KLC4: variants seen among roughly 807,000 people sequenced by gnomAD.
KLC4 encodes the protein kinesin-like protein 8.
KLC4 carries 49 observed loss-of-function variants against 77.2 expected under a neutral mutation model. The observed-to-expected ratio is 0.63, with a 90% CI of 0.50 to 0.80. The LOEUF (loss-of-function observed/expected upper bound fraction) is 0.80, where lower values mean the gene tolerates loss of function less well. Among genes scored for constraint, KLC4 ranks in the 30% least tolerant of loss-of-function variants. The pLI is 0.00. For missense variants in KLC4, 669 were observed against 793.5 expected (o/e 0.84, Z 1.89); for synonymous variants, 274 against 314.5 (o/e 0.87, Z 1.36).
chr6:43,063,388 A>C (rs1479378388), intron 3 of KLC4, among the ~76,000 whole-genome samples: 1 of 152,192 alleles, frequency 6.6e-6, no homozygotes. Context: ...TGTGCACTGC[A>C]CTGGTGAATG....
At chr6:43,073,049 A>C in intron 13 of KLC4, 85 bp downstream of exon 13, 3 of 1,492,242 alleles carry the variant, frequency 2.0e-6, no homozygotes, top group Non-Finnish European at 2.7e-6. Context: ...GTCCCAGTCT[A>C]GGTAGTGTAT....
At chr6:43,071,004 T>G (rs1203194277) in intron 8 of KLC4, 139 bp downstream of exon 8, 2 of 817,952 alleles carry the variant, frequency 2.4e-6, no homozygotes, top group East Asian at 2.7e-5. Context: ...TCATCAACTT[T>G]GTGCTCATGT....
rs1457917258 is a variant in KLC4, at chr6:43,065,668, C to T, written c.538C>T (p.Pro180Ser). 6.2e-7 allele frequency: 1 copy of T among 1,613,880 alleles called. No homozygotes were observed. Among genetic ancestry groups the T allele is most frequent in the Non-Finnish European group, 8.5e-7 (1 of 1,179,818 alleles). ...CAAGGATTCCCTGGATGACCTCTTTCCTAATGAGGAGGAAGAGGACCCCAG... is the reference window on the plus strand; with the variant it reads ...CAAGGATTCCCTGGATGACCTCTTTTCTAATGAGGAGGAAGAGGACCCCAG... ...ATKDSLDDLF[P>S]NEEEEDPSNG... The change falls in exon 4 of 16, where the codon CCT (proline) becomes TCT (serine). Residue 180 changes from proline to serine, a missense_variant. Pro to Ser is a moderately conservative substitution (Grantham distance 74). Transcript: ENST00000347162.
chr6:43,070,464 G>A lies in KLC4; in HGVS notation c.981+9G>A. ...TGGAGATTCGAGAAAAGGTACCCAT[G>A]CCCTCTCTCCCTTCTTCTCTTGTCG... On this transcript the variant is annotated intron_variant, in intron 7 of 15. Coordinates refer to ENST00000347162, the MANE Select transcript of KLC4 (RefSeq NM_201521.3). The A allele has an allele frequency of 6.3e-7, 1 of 1,596,194 alleles. No homozygotes were observed. Among genetic ancestry groups the A allele is most frequent in the Non-Finnish European group, 8.6e-7 (1 of 1,163,654 alleles).
chr6:43,060,211 T>C, intron 1 of KLC4: 1 of 1,614,118 alleles, frequency 6.2e-7, no homozygotes, highest in Admixed American at 1.7e-5. Context: ...GACAAAACCA[T>C]GGAAGTGACT....
intron 3 of KLC4, chr6:43,065,329 C>T: frequency 3.4e-6 from 1 of 291,530 alleles, no homozygotes; most frequent in East Asian, 7.3e-5. Flanking sequence ...CCACCTCGGC[C>T]TCCCAAAGTG....
In KLC4 at chr6:43,069,963, A is replaced by G. The variant is rs200382653; in HGVS notation, c.880-391A>G. Among the ~76,000 whole-genome samples the G allele has an allele frequency of 1.7e-4, 26 of 152,282 alleles. No individual in the cohort carries two copies. The East Asian group carries it at 4.6e-3, about 27-fold the overall frequency. On this transcript the variant is annotated intron_variant, in intron 6 of 15. Coordinates refer to ENST00000347162, the MANE Select transcript of KLC4 (RefSeq NM_201521.3). ...CTCCTGTCTTGATATCCCATCAAAT[A>G]TCAATGTTTACATTTAGCGTTTGGA...
At chr6:43,067,991 A>G (rs1353477289) in intron 6 of KLC4, among the ~76,000 whole-genome samples, 1 of 106,722 alleles carries the variant, frequency 9.4e-6, no homozygotes, top group African/African-American at 5.6e-5. Context: ...GGGCGCCTGT[A>G]GTCCCAGCTG....
At position 43,067,073 on chromosome 6, in the gene KLC4, A is replaced by G. The variant is rs1447775480; in HGVS notation, c.869A>G (p.Asp290Gly). Residue 290 changes from aspartate to glycine, a missense_variant, in exon 6 of 16, where the codon GAC becomes GGC. Transcript: ENST00000347162. ...LSIRESTLGP[D>G]HPAVAATLNN... ...ATCCGGGAGAGCACCTTGGGACCTG[A>G]CCATCCTGCTGTCAGTATTCCTTGC... The G allele has an allele frequency of 3.0e-5, 49 of 1,613,828 alleles. No individual in the cohort carries two copies. The highest frequency in any genetic ancestry group is 4.0e-5 in the Non-Finnish European group (47 of 1,179,970).
At chr6:43,065,223 C>T (rs566317329) in intron 3 of KLC4, among the ~76,000 whole-genome samples, 2 of 152,172 alleles carry the variant, frequency 1.3e-5, no homozygotes, top group Non-Finnish European at 2.9e-5. Flanking sequence ...TATAGGCATG[C>T]GCCACCACGC....
chr6:43,064,513 C>T (rs1233277049), intron 3 of KLC4, among the ~76,000 whole-genome samples: 1 of 152,114 alleles, frequency 6.6e-6, no homozygotes, highest in Non-Finnish European at 1.5e-5. Context: ...TGTTGCCAGA[C>T]TAGAGACTCT....
Position 43,062,918 on chromosome 6 carries a change from T to C in KLC4, c.260T>C (p.Val87Ala), listed in dbSNP as rs370896483. The C allele has an allele frequency of 8.2e-5, 133 of 1,613,022 alleles. No individual in the cohort carries two copies. Among genetic ancestry groups the C allele is most frequent in the Non-Finnish European group, 1.1e-4 (127 of 1,179,410 alleles). ...NIELGLSEAQ[V>A]MLALASHLST... is the part of the protein sequence containing the mutation. ...AGCTCAGGGGATGTGCCCACCTAGG[T>C]GATGCTGGCTCTAGCCAGCCACCTG... Residue 87 changes from valine (V) to alanine (A), a missense_variant and splice_region_variant, in exon 3 of 16, where the codon GTG becomes GCG. Transcript: ENST00000347162.
chr6:43,059,948 GTCGTCCATCCACACC>G, intron 1 of KLC4: 1 of 1,310,194 alleles, frequency 7.6e-7, no homozygotes, highest in Non-Finnish European at 9.7e-7. Context: ...GCGGACCTCA[GTCGTCCATCCACACC>G]TCCCCCCTGC....
At chr6:43,071,015 C>T (rs1249184360) in intron 8 of KLC4, 150 bp downstream of exon 8, 6 of 771,220 alleles carry the variant, frequency 7.8e-6, no homozygotes, top group East Asian at 5.4e-5. Flanking sequence ...GTGCTCATGT[C>T]TGGGGCTGCC....
At chr6:43,074,535 CTG>C (rs1176622659) in intron 15 of KLC4, 85 bp from the exon 16 acceptor site, 8 of 1,108,646 alleles carry the variant, frequency 7.2e-6, no homozygotes, top group African/African-American at 3.1e-5. Flanking sequence ...CAGAGATACA[CTG>C]TGACCATGGG....
rs752815266 is a variant in KLC4 at position 43,061,344 on chromosome 6, C to T, written c.9C>T (p.Gly3=). 6.2e-7 allele frequency: 1 copy of T among 1,613,526 alleles called. No individual in the cohort carries two copies. The highest frequency in any genetic ancestry group is 8.5e-7 in the Non-Finnish European group (1 of 1,179,970). ...AGGTCCCCCAGGCCAGGATGTCAGG[C>T]CTGGTGTTGGGGCAGCGGGATGAGC... is the stretch of plus-strand genomic sequence containing the variant. MS[G]LVLGQRDEPA... Residue 3 remains glycine, a synonymous_variant, in exon 2 of 16, where the codon GGC becomes GGT. Coordinates refer to ENST00000347162, the MANE Select transcript of KLC4 (RefSeq NM_201521.3).
chr6:43,070,497 C>G lies in KLC4; in HGVS notation c.981+42C>G, dbSNP rs200310400. On this transcript the variant is annotated intron_variant, in intron 7 of 15. Transcript: ENST00000347162. Reference sequence around the variant, plus strand: ...TCCCTTCTTCTCTTGTCGCTGTGACCCTTCTCTACATGGCTCCTCTGGTCT... The same window carrying G: ...TCCCTTCTTCTCTTGTCGCTGTGACGCTTCTCTACATGGCTCCTCTGGTCT... 5.7e-5 allele frequency: 87 copies of G among 1,522,500 alleles called. No individual in the cohort carries two copies. In the East Asian group the frequency reaches 1.3e-3, roughly 23 times the overall value. 94.3% of individuals were successfully genotyped at this position (1,522,500 alleles called of 1,614,324 possible).
rs201982643 is a variant in KLC4, at chr6:43,062,929, C to G, written c.271C>G (p.Leu91Val). ...GLSEAQVMLA[L>V]ASHLSTVESE... ...TGTGCCCACCTAGGTGATGCTGGCT[C>G]TAGCCAGCCACCTGAGCACAGTGGA... The change falls in exon 3 of 16, where the codon CTA (leucine) becomes GTA (valine). Residue 91 changes from leucine to valine, a missense_variant. Coordinates refer to ENST00000347162, the MANE Select transcript of KLC4 (RefSeq NM_201521.3). 1.2e-6 allele frequency: 2 copies of G among 1,613,846 alleles called. No individual in the cohort carries two copies. Among genetic ancestry groups the G allele is most frequent in the Admixed American group, 1.7e-5 (1 of 60,022 alleles).
Position 43,062,911 on chromosome 6 carries a change from A to G in KLC4, c.259-6A>G. On this transcript the variant is annotated splice_region_variant and splice_polypyrimidine_tract_variant and intron_variant, in intron 2 of 15. Coordinates refer to ENST00000347162, the MANE Select transcript of KLC4 (RefSeq NM_201521.3). ...AATCTGGAGCTCAGGGGATGTGCCC[A>G]CCTAGGTGATGCTGGCTCTAGCCAG... is the stretch of plus-strand genomic sequence containing the variant. 6.2e-7 allele frequency: 1 copy of G among 1,612,886 alleles called. No individual in the cohort carries two copies. Among genetic ancestry groups the G allele is most frequent in the Non-Finnish European group, 8.5e-7 (1 of 1,178,890 alleles).
Sources: allele counts gnomAD v4.1 joint callset (sites outside exome capture counted in the v4.1 genomes callset), GRCh38; gene constraint gnomAD v4.1.1; transcripts MANE v1.5; gene names NCBI Gene and HGNC (gene_info 2026-07-23, HGNC 2026-07-21).